The following RBM33 variants were observed in gnomAD, a reference collection of about 807,000 sequenced individuals.
RBM33 encodes the protein RNA binding motif protein 33.
RBM33 carries 28 observed loss-of-function variants against 132.6 expected under a neutral mutation model. The ratio of observed to expected loss-of-function variants is 0.21; its 90% CI spans 0.16 to 0.29. The LOEUF is 0.29. Ranked by LOEUF, RBM33 falls within the 10% of genes least tolerant of loss-of-function variation. The pLI, the probability that RBM33 is intolerant of heterozygous loss-of-function variation, is 1.00. For synonymous variants in RBM33, 634 were observed against 593.0 expected (o/e 1.07, Z -1.01); for missense variants, 1,291 against 1,518.5 (o/e 0.85, Z 2.49).
intron 14 of RBM33, among the ~76,000 whole-genome samples, chr7:155,756,734 T>C (rs368090991): frequency 6.6e-6 from 1 of 152,092 alleles, no homozygotes; most frequent in African/African-American, 2.4e-5. Context: ...GAGTGAATGG[T>C]AAAACCCCAG....
At chr7:155,751,545 G>A (rs747050430) in intron 14 of RBM33, among the ~76,000 whole-genome samples, 1 of 152,134 alleles carries the variant, frequency 6.6e-6, no homozygotes, top group Non-Finnish European at 1.5e-5. Context: ...TCTTGCCCTT[G>A]ACCTTTTGAA....
chr7:155,693,633 G>A (rs1799709285), intron 5 of RBM33, among the ~76,000 whole-genome samples: 1 of 137,692 alleles, frequency 7.3e-6, no homozygotes, highest in South Asian at 2.5e-4. Context: ...GATGATGGCA[G>A]GTTCTTTGTG....
At chr7:155,667,589 T>C (rs960379257) in intron 2 of RBM33, among the ~76,000 whole-genome samples, 1 of 152,224 alleles carries the variant, frequency 6.6e-6, no homozygotes, top group Non-Finnish European at 1.5e-5. Flanking sequence ...TTTTATGACG[T>C]TGACAGGCCA....
intron 14 of RBM33, among the ~76,000 whole-genome samples, chr7:155,763,474 T>C (rs1802102691): frequency 6.6e-6 from 1 of 152,252 alleles, no homozygotes; most frequent in South Asian, 2.1e-4. Flanking sequence ...TAATGCATGC[T>C]GAAAGTGAAA....
intron 14 of RBM33, among the ~76,000 whole-genome samples, chr7:155,748,922 A>G (rs565030483): frequency 1.3e-5 from 2 of 152,254 alleles, no homozygotes; most frequent in South Asian, 4.2e-4. Context: ...TGCAGATTCA[A>G]GGGCTATTGT....
chr7:155,724,084 C>T (rs1001779240), intron 9 of RBM33, among the ~76,000 whole-genome samples: 2 of 152,116 alleles, frequency 1.3e-5, no homozygotes, highest in Admixed American at 6.5e-5. Flanking sequence ...CTCCTCTGTG[C>T]AGGGAAATCT....
intron 14 of RBM33, among the ~76,000 whole-genome samples, chr7:155,754,282 T>G (rs1365149842): frequency 6.6e-6 from 1 of 152,182 alleles, no homozygotes; most frequent in Admixed American, 6.5e-5. Flanking sequence ...GGAATCTGCT[T>G]TCTTCAATGT....
chr7:155,694,500 A>G (rs1799737950), intron 5 of RBM33, among the ~76,000 whole-genome samples: 1 of 152,258 alleles, frequency 6.6e-6, no homozygotes, highest in South Asian at 2.1e-4. Context: ...TGTAAAGTGT[A>G]CAGTAAGTTT....
In RBM33 at chr7:155,707,043, T is replaced by C. The variant is rs1458307246; in HGVS notation, c.923T>C (p.Leu308Pro). ...RGRMKDHRPALLPTQPPVVPQ... is the reference protein window; with the variant it reads ...RGRMKDHRPAPLPTQPPVVPQ... The stretch of plus-strand genomic sequence containing the variant: ...AGGATGAAGGACCACAGACCTGCGC[T>C]GCTTCCTACACAGCCTCCTGTCGTG... The change falls in exon 7 of 18, where the codon CTG becomes CCG. Residue 308 changes from leucine to proline, a missense_variant. Transcript: ENST00000401878. 2.6e-6 allele frequency: 4 copies of C among 1,559,680 alleles called. No individual in the cohort carries two copies. In the Admixed American group the frequency reaches 7.8e-5, roughly 30 times the overall value.
intron 14 of RBM33, among the ~76,000 whole-genome samples, chr7:155,762,664 G>A (rs184101444): frequency 3.9e-5 from 6 of 152,174 alleles, no homozygotes; most frequent in Admixed American, 2.0e-4. Context: ...CCTTTGTTCC[G>A]TTTGGTCTCC....
At position 155,775,361 on chromosome 7, in the gene RBM33, G is replaced by A; in HGVS notation, c.*320G>A. On this transcript the variant is annotated 3_prime_UTR_variant, in exon 18 of 18. Transcript: ENST00000401878. ...TTCTTTGTGGTCTGACTCTATGATC[G>A]ATCACAGTGACTTAGATTCAGGAAA... The A allele has an allele frequency of 1.0e-5, 5 of 484,514 alleles. No homozygotes were observed. The highest frequency in any genetic ancestry group is 3.3e-5 in the Admixed American group (1 of 30,404). The allele number at this position is 484,514 out of a possible 1,614,324, so 30.0% of individuals were successfully genotyped here.
intron 15 of RBM33, among the ~76,000 whole-genome samples, chr7:155,766,247 G>A (rs1802212076): frequency 6.6e-6 from 1 of 152,066 alleles, no homozygotes; most frequent in Admixed American, 6.5e-5. Flanking sequence ...GGCTTCGTCA[G>A]CTCCCTCCTC....
chr7:155,697,187 T>TGGA (rs142586359), intron 5 of RBM33, among the ~76,000 whole-genome samples: 8,283 of 151,990 alleles, frequency 0.054, 291 homozygotes, highest in African/African-American at 0.1. Context: ...CCCCACCTCC[T>TGGA]GGAGGAGGAG....
intron 14 of RBM33, among the ~76,000 whole-genome samples, chr7:155,760,361 C>T (rs992429560): frequency 3.3e-5 from 5 of 152,168 alleles, no homozygotes; most frequent in Non-Finnish European, 5.9e-5. Context: ...CATTTGCCCA[C>T]GTTAGTGGAA....
chr7:155,723,931 C>T (rs1299214575), intron 9 of RBM33, among the ~76,000 whole-genome samples: 1 of 152,164 alleles, frequency 6.6e-6, no homozygotes, highest in Non-Finnish European at 1.5e-5. Context: ...CTAAGTAAAT[C>T]TGTTACATTG....
chr7:155,688,195 C>T (rs952708199), intron 5 of RBM33, among the ~76,000 whole-genome samples: 1 of 152,054 alleles, frequency 6.6e-6, no homozygotes, highest in Non-Finnish European at 1.5e-5. Context: ...CCTTCACATC[C>T]CTTGTAAGTT....
At chr7:155,689,497 T>G (rs1251398808) in intron 5 of RBM33, among the ~76,000 whole-genome samples, 1 of 152,238 alleles carries the variant, frequency 6.6e-6, no homozygotes, top group African/African-American at 2.4e-5. Flanking sequence ...ATCTTAGTTA[T>G]TTCTTGCCTT....
rs769286568 is a variant in RBM33 at position 155,706,965 on chromosome 7, C to T, written c.845C>T (p.Pro282Leu). The change falls in exon 7 of 18, where the codon CCG (proline) becomes CTG (leucine). Residue 282 changes from proline to leucine, a missense_variant. Pro to Leu is a moderately conservative substitution (Grantham distance 98). Around this residue, in one of 7 missense-constraint regions of RBM33, gnomAD observed 34 missense variants for 46.5 expected, o/e 0.73. Coordinates refer to ENST00000401878, the MANE Select transcript of RBM33 (RefSeq NM_053043.3). ...AGGCGGGGAGGACGGCGAGGAGGTC[C>T]GCTGATGTGTCGTGGTGTGGGGGAC... ...SSRRGGRRGG[P>L]LMCRGVGDQR... 73 of 1,600,464 alleles carry T rather than the reference C, an allele frequency of 4.6e-5. No individual in the cohort carries two copies. Among genetic ancestry groups the T allele is most frequent in the Non-Finnish European group, 5.5e-5 (64 of 1,173,718 alleles).
intron 9 of RBM33, among the ~76,000 whole-genome samples, chr7:155,729,305 A>T (rs1800886170): frequency 1.3e-5 from 2 of 152,184 alleles, no homozygotes; most frequent in South Asian, 4.1e-4. Flanking sequence ...TTGGGTGGGG[A>T]TGCAGAGCCA....
Sources: gnomAD v4.1 joint callset for allele counts (sites outside exome capture counted in the v4.1 genomes callset) on GRCh38, gnomAD v4.1.1 for gene constraint, gnomAD v4.1.1 regional missense constraint, MANE v1.5 for transcripts, NCBI Gene and HGNC (gene_info 2026-07-23, HGNC 2026-07-21) for gene names.